The following AXDND1 variants were observed in gnomAD, a reference collection of about 807,000 sequenced individuals.
The protein encoded by AXDND1 is axonemal dynein light chain domain containing 1.
AXDND1 carries 110 observed loss-of-function variants against 137.5 expected under a neutral mutation model. The observed-to-expected ratio is 0.80, with a 90% confidence interval of 0.69 to 0.94. The LOEUF is 0.94. Ranked by LOEUF, AXDND1 falls within the 40% of genes least tolerant of loss-of-function variation. The probability of loss-of-function intolerance (pLI) is 0.00; values close to 1 mark genes in which losing one functional copy is unlikely to be tolerated. For synonymous variants in AXDND1, 414 were observed against 399.7 expected, an observed-to-expected ratio of 1.04 and a Z score of -0.43; for missense variants, 1,191 against 1,169.8, an observed-to-expected ratio of 1.02 and a Z score of -0.26.
chr1:179,527,039 T>C (rs1670595988), intron 22 of AXDND1, among the ~76,000 whole-genome samples: 1 of 152,108 alleles, frequency 6.6e-6, no homozygotes, highest in Admixed American at 6.6e-5. Context: ...TCAGAGCGAG[T>C]TTGCAGTCCA....
At chr1:179,432,458 C>A in intron 15 of AXDND1, 116 bp downstream of exon 15, 1 of 1,347,688 alleles carries the variant, frequency 7.4e-7, no homozygotes, top group Non-Finnish European at 9.7e-7. Context: ...TTGTCTCACT[C>A]ACTGTCGCCC....
intron 17 of AXDND1, among the ~76,000 whole-genome samples, chr1:179,482,903 A>G (rs1665594927): frequency 6.6e-6 from 1 of 151,226 alleles, no homozygotes; most frequent in African/African-American, 2.4e-5. Context: ...TGCTTTGTCC[A>G]AAGTGCATCT....
intron 16 of AXDND1, among the ~76,000 whole-genome samples, chr1:179,461,231 G>C (rs143843086): frequency 0.012 from 1,867 of 152,236 alleles, 18 homozygotes; most frequent in Non-Finnish European, 0.018. Flanking sequence ...TTTTGTATAA[G>C]GTGTAAGGAA....
chr1:179,375,157 G>GGT (rs937126106), intron 4 of AXDND1, among the ~76,000 whole-genome samples: 3 of 151,892 alleles, frequency 2.0e-5, no homozygotes, highest in African/African-American at 7.3e-5. Context: ...GGAGTGTAGT[G>GGT]GTGTGATCTT....
chr1:179,412,379 GGTC>G lies in AXDND1; in HGVS notation c.1230+1114_1230+1116del. 2.6e-5 allele frequency among the ~76,000 whole-genome samples: 4 copies of G among 152,228 alleles called. 1 individual carries two copies. In the East Asian group the frequency reaches 7.7e-4, roughly 29 times the overall value. ...ATGAGTTCAGTTAAATTGGTTCACT[GGTC>G]TACTGGTGGCAGGTCACAGCGTTCT... On this transcript the variant is annotated intron_variant, in intron 12 of 25. Transcript: ENST00000367618.
At position 179,366,451 on chromosome 1, in the gene AXDND1, A is replaced by G; in HGVS notation, c.-59A>G. On this transcript the variant is annotated 5_prime_UTR_variant, in exon 2 of 26. The change abolishes the stop of an existing upstream ORF in the 5' untranslated region. Transcript: ENST00000367618. ...CCCAGTGCGGCGCTGATTTGTGTCTAAATTAGCTTTCCGGAGGACTATTTC... is the reference window on the plus strand; with the variant it reads ...CCCAGTGCGGCGCTGATTTGTGTCTGAATTAGCTTTCCGGAGGACTATTTC... 7.0e-7 allele frequency: 1 copy of G among 1,427,852 alleles called. No homozygotes were observed. The highest frequency in any genetic ancestry group is 9.9e-7 in the Non-Finnish European group (1 of 1,014,300). 88.4% of individuals were successfully genotyped at this position (1,427,852 alleles called of 1,614,324 possible).
intron 15 of AXDND1, among the ~76,000 whole-genome samples, chr1:179,440,017 C>T (rs1229475850): frequency 6.6e-6 from 1 of 152,198 alleles, no homozygotes; most frequent in African/African-American, 2.4e-5. Context: ...CTAACACTTG[C>T]CAGTGTCTTT....
intron 23 of AXDND1, among the ~76,000 whole-genome samples, chr1:179,532,290 C>T (rs973717720): frequency 2.6e-5 from 4 of 152,122 alleles, no homozygotes; most frequent in African/African-American, 9.7e-5. Flanking sequence ...CAAATGCACG[C>T]AGGTAGTAGT....
chr1:179,441,649 A>G (rs1157254270), intron 15 of AXDND1, among the ~76,000 whole-genome samples: 1 of 152,226 alleles, frequency 6.6e-6, no homozygotes, highest in Non-Finnish European at 1.5e-5. Flanking sequence ...ACATGTATGT[A>G]AAAAAGATTG....
At chr1:179,428,717 A>T (rs1656941373) in intron 12 of AXDND1, among the ~76,000 whole-genome samples, 1 of 152,272 alleles carries the variant, frequency 6.6e-6, no homozygotes, top group Non-Finnish European at 1.5e-5. Context: ...GAAGCAAATG[A>T]GAATCCAGCT....
intron 16 of AXDND1, chr1:179,452,511 A>G (rs1571892912): frequency 6.9e-6 from 1 of 145,252 alleles, no homozygotes. Context: ...ACAAGGTGAA[A>G]CCCCGTCTCT....
intron 18 of AXDND1, among the ~76,000 whole-genome samples, chr1:179,484,440 C>T (rs1319562618): frequency 6.6e-6 from 1 of 152,150 alleles, no homozygotes; most frequent in Non-Finnish European, 1.5e-5. Context: ...CCTGAGCACC[C>T]CCCTGTCTTG....
intron 17 of AXDND1, among the ~76,000 whole-genome samples, chr1:179,474,301 A>G (rs1170478701): frequency 6.6e-6 from 1 of 151,996 alleles, no homozygotes; most frequent in Non-Finnish European, 1.5e-5. Flanking sequence ...TTGGTACTGG[A>G]ATTGGGGTAC....
At chr1:179,382,809 T>C (rs1648595827) in intron 7 of AXDND1, 53 bp downstream of exon 7, 1 of 1,354,630 alleles carries the variant, frequency 7.4e-7, no homozygotes, top group Non-Finnish European at 1.0e-6. Flanking sequence ...CCTATATACA[T>C]ACACATTTCT....
intron 20 of AXDND1, among the ~76,000 whole-genome samples, chr1:179,503,185 AT>A (rs1354740248): frequency 6.6e-6 from 1 of 152,016 alleles, no homozygotes; most frequent in African/African-American, 2.4e-5. Context: ...TAGAATAAAT[AT>A]TATGAATATT....
In AXDND1 at chr1:179,525,436, A is replaced by G. The variant is rs1165840459; in HGVS notation, c.2599A>G (p.Arg867Gly). 5 of 1,609,196 alleles carry G rather than the reference A, an allele frequency of 3.1e-6. No homozygotes were observed. The highest frequency in any genetic ancestry group is 4.2e-6 in the Non-Finnish European group (5 of 1,177,300). The stretch of plus-strand genomic sequence containing the variant: ...GAAACTTCAGGAGGAAAATAAAGAG[A>G]GAGCAGAAGAAGTAAGATTATTTGG... Reference protein sequence around the residue: ...DRKLQEENKERAEEQPSTSTE... With the variant: ...DRKLQEENKEGAEEQPSTSTE... Residue 867 changes from arginine (R) to glycine (G), a missense_variant, in exon 22 of 26, where the codon AGA becomes GGA. Arg to Gly is a moderately radical substitution (Grantham distance 125). Transcript: ENST00000367618.
At chr1:179,382,840 T>G in intron 7 of AXDND1, 84 bp downstream of exon 7, 2 of 1,079,690 alleles carry the variant, frequency 1.9e-6, no homozygotes, top group South Asian at 3.3e-5. Context: ...TTAAACAAAA[T>G]TATTAAAATT....
intron 15 of AXDND1, among the ~76,000 whole-genome samples, chr1:179,435,547 T>C (rs1658023351): frequency 6.6e-6 from 1 of 152,114 alleles, no homozygotes; most frequent in Non-Finnish European, 1.5e-5. Flanking sequence ...ACCACACATC[T>C]ACAACCATCT....
chr1:179,374,752 A>T (rs1483777234), intron 4 of AXDND1, among the ~76,000 whole-genome samples: 1 of 148,860 alleles, frequency 6.7e-6, no homozygotes, highest in Non-Finnish European at 1.5e-5. Context: ...GCATGTTCTC[A>T]CTCATAGGTG....
Sources: allele counts gnomAD v4.1 joint callset (sites outside exome capture counted in the v4.1 genomes callset), GRCh38; gene constraint gnomAD v4.1.1; transcripts MANE v1.5; gene names NCBI Gene and HGNC (gene_info 2026-07-23, HGNC 2026-07-21).